The following MAPK10 variants were observed in gnomAD, a reference collection of about 807,000 sequenced individuals.
MAPK10 encodes mitogen-activated protein kinase 10, also known as JNK3 alpha protein kinase.
A neutral mutation model predicts 59.3 loss-of-function variants in MAPK10; 25 were observed. That is an observed-to-expected ratio of 0.42 (90% CI 0.31 to 0.59). The LOEUF is 0.59. Among genes scored for constraint, MAPK10 ranks in the 20% least tolerant of loss-of-function variants. The pLI, the probability that MAPK10 is intolerant of heterozygous loss-of-function variation, is 0.15. For missense variants in MAPK10, 351 were observed against 568.9 expected (o/e 0.62, Z 3.90); for synonymous variants, 190 against 200.5 (o/e 0.95, Z 0.44).
chr4:86,508,196 T>G (rs1346302416), intron 1 of MAPK10, among the ~76,000 whole-genome samples: 1 of 152,156 alleles, frequency 6.6e-6, no homozygotes, highest in Non-Finnish European at 1.5e-5. Context: ...AGTTTCGCAT[T>G]AATGGTGTCA....
chr4:86,351,592 G>A (rs1373828963), intron 2 of MAPK10, among the ~76,000 whole-genome samples: 1 of 150,814 alleles, frequency 6.6e-6, no homozygotes, highest in Non-Finnish European at 1.5e-5. Context: ...TTTTTAACTG[G>A]ATTCCTGCAA....
At chr4:86,268,879 T>C (rs1014595979) in intron 2 of MAPK10, among the ~76,000 whole-genome samples, 1 of 152,152 alleles carries the variant, frequency 6.6e-6, no homozygotes, top group Non-Finnish European at 1.5e-5. Flanking sequence ...TTACAAAAAT[T>C]GTCTCCTCCA....
chr4:86,563,041 C>T (rs922032914), intron 1 of MAPK10, among the ~76,000 whole-genome samples: 2 of 152,176 alleles, frequency 1.3e-5, no homozygotes, highest in African/African-American at 2.4e-5. Context: ...TTCCTCCTTA[C>T]AAGCACATAA....
At chr4:86,444,334 A>G (rs1301349811) in intron 1 of MAPK10, among the ~76,000 whole-genome samples, 1 of 152,212 alleles carries the variant, frequency 6.6e-6, no homozygotes, top group Non-Finnish European at 1.5e-5. Flanking sequence ...AGAGGGATTT[A>G]ATAAATAGTG....
chr4:86,333,101 G>A (rs1459174197), intron 2 of MAPK10, among the ~76,000 whole-genome samples: 1 of 152,114 alleles, frequency 6.6e-6, no homozygotes, highest in Non-Finnish European at 1.5e-5. Context: ...GCATGCCACT[G>A]CACCCAGCTG....
At chr4:86,449,743 G>C (rs931211544) in intron 1 of MAPK10, among the ~76,000 whole-genome samples, 8 of 152,236 alleles carry the variant, frequency 5.3e-5, no homozygotes, top group African/African-American at 1.7e-4. Flanking sequence ...CGTGGCAAAG[G>C]CGATAGCATA....
chr4:86,561,225 T>C (rs1245845423), intron 1 of MAPK10, among the ~76,000 whole-genome samples: 2 of 152,044 alleles, frequency 1.3e-5, no homozygotes, highest in Non-Finnish European at 2.9e-5. Flanking sequence ...TCCAGCCCAG[T>C]TCTTAACAGG....
chr4:86,465,438 C>T (rs1200253971), intron 1 of MAPK10, among the ~76,000 whole-genome samples: 1 of 151,610 alleles, frequency 6.6e-6, no homozygotes, highest in Non-Finnish European at 1.5e-5. Context: ...ACAGCAGTTA[C>T]AAAAACAAAA....
intron 1 of MAPK10, chr4:86,358,032 T>C: frequency 1.0e-6 from 1 of 973,742 alleles, no homozygotes; most frequent in African/African-American, 1.8e-5. Flanking sequence ...AATCCAATAC[T>C]TTATGTCAAT....
intron 2 of MAPK10, among the ~76,000 whole-genome samples, chr4:86,305,373 T>C (rs2095548553): frequency 6.6e-6 from 1 of 152,236 alleles, no homozygotes. Context: ...CTGAGAAAGC[T>C]TATGTTTCCA....
chr4:86,052,484 T>A (rs989717418), intron 11 of MAPK10, among the ~76,000 whole-genome samples: 1 of 151,830 alleles, frequency 6.6e-6, no homozygotes, highest in Admixed American at 6.6e-5. Context: ...TGATAGAAAA[T>A]TTTGGGATGT....
At chr4:86,115,645 GA>G (rs200298620) in intron 4 of MAPK10, among the ~76,000 whole-genome samples, 3,900 of 152,162 alleles carry the variant, frequency 0.026, 165 homozygotes, top group African/African-American at 0.088. Context: ...ATTTTTAGTA[GA>G]GACGGGGTTT....
Position 86,041,656 on chromosome 4 carries a change from G to A in MAPK10, c.1111-10225C>T, listed in dbSNP as rs201910723. ...CAAACAACCCCATCAAAAAGTGGGC[G>A]AAGGACATGAACAGACACTTCTCAA... On this transcript the variant is annotated intron_variant, in intron 11 of 13. Transcript: ENST00000641462. Among the ~76,000 whole-genome samples the A allele has an allele frequency of 2.7e-4, 41 of 152,198 alleles. No homozygotes were observed. In the East Asian group the frequency reaches 3.1e-3, roughly 12 times the overall value.
At chr4:86,104,414 C>G (rs1390234884) in intron 5 of MAPK10, among the ~76,000 whole-genome samples, 5 of 152,080 alleles carry the variant, frequency 3.3e-5, no homozygotes. Flanking sequence ...ATCTTTATAA[C>G]TTGTGATTAA....
At chr4:86,139,766 T>C (rs2063183083) in intron 4 of MAPK10, among the ~76,000 whole-genome samples, 1 of 150,820 alleles carries the variant, frequency 6.6e-6, no homozygotes. Context: ...TGGGAGAAAA[T>C]TTTCTCAACC....
chr4:86,535,260 T>A (rs1758148388), intron 1 of MAPK10, among the ~76,000 whole-genome samples: 1 of 152,116 alleles, frequency 6.6e-6, no homozygotes, highest in Admixed American at 6.5e-5. Flanking sequence ...TTTACAAAAT[T>A]TGAAAATTTA....
rs575295892 is a variant in MAPK10 at position 86,221,749 on chromosome 4, C to T, written c.-6-27342G>A. Among the ~76,000 whole-genome samples, 21 of 152,294 alleles carry T rather than the reference C, an allele frequency of 1.4e-4. 1 individual carries two copies. The highest frequency in any genetic ancestry group is 2.6e-4 in the Non-Finnish European group (18 of 68,028). On this transcript the variant is annotated intron_variant, in intron 2 of 13. Transcript: ENST00000641462. The stretch of plus-strand genomic sequence containing the variant: ...AACTCTTGGGTTCAAGGGACCCACC[C>T]ACCTCGGCTTCCCAAAGTGCTTACA...
At chr4:86,184,330 G>A (rs1464216348) in intron 3 of MAPK10, among the ~76,000 whole-genome samples, 4 of 152,058 alleles carry the variant, frequency 2.6e-5, no homozygotes, top group Non-Finnish European at 5.9e-5. Flanking sequence ...GATAATGAAG[G>A]CTAAGGAAAT....
chr4:86,289,066 C>T (rs890067083), intron 2 of MAPK10, among the ~76,000 whole-genome samples: 1 of 152,032 alleles, frequency 6.6e-6, no homozygotes, highest in African/African-American at 2.4e-5. Context: ...TACACTGGTA[C>T]AGAATTATAT....
Sources: allele counts gnomAD v4.1 joint callset (sites outside exome capture counted in the v4.1 genomes callset), GRCh38; gene constraint gnomAD v4.1.1; transcripts MANE v1.5; gene names NCBI Gene and HGNC (gene_info 2026-07-23, HGNC 2026-07-21).